THRB: variants seen among roughly 807,000 people sequenced by gnomAD.
The protein encoded by THRB is thyroid hormone receptor beta.
A neutral mutation model predicts 47.8 loss-of-function variants in THRB; 12 were observed. That is an observed-to-expected ratio of 0.25 (90% CI 0.16 to 0.41). THRB has a LOEUF of 0.41. Ranked by LOEUF, THRB falls within the 10% of genes least tolerant of loss-of-function variation. The pLI, the probability that THRB is intolerant of heterozygous loss-of-function variation, is 1.00. For synonymous variants in THRB, 218 were observed against 212.2 expected, an observed-to-expected ratio of 1.03 and a Z score of -0.24; for missense variants, 348 against 589.2, an observed-to-expected ratio of 0.59 and a Z score of 4.24.
At position 24,149,110 on chromosome 3, in the gene THRB, C is replaced by A. The variant is rs2036526127; in HGVS notation, c.385-2288G>T. Among the ~76,000 whole-genome samples, 3 of 152,204 alleles carry A rather than the reference C, an allele frequency of 2.0e-5. No individual in the cohort carries two copies. In the South Asian group the frequency reaches 6.2e-4, roughly 32 times the overall value. ...GCCATGAGAGTGAAAAACAAGTTTC[C>A]CTGCAAACCTAGCTTTTCTCTCTGC... is the stretch of plus-strand genomic sequence containing the variant. On this transcript the variant is annotated intron_variant, in intron 6 of 10. Coordinates refer to ENST00000646209, the MANE Select transcript of THRB (RefSeq NM_001354712.2).
intron 5 of THRB, among the ~76,000 whole-genome samples, chr3:24,170,072 A>G (rs1190261937): frequency 3.3e-5 from 5 of 152,140 alleles, no homozygotes; most frequent in African/African-American, 1.2e-4. Context: ...CCAGGATCCT[A>G]TATCCAACCA....
At chr3:24,164,547 A>G (rs1373590036) in intron 5 of THRB, among the ~76,000 whole-genome samples, 1 of 152,212 alleles carries the variant, frequency 6.6e-6, no homozygotes, top group Non-Finnish European at 1.5e-5. Context: ...ACATTAGTAT[A>G]GTACTGTTAA....
At chr3:24,478,773 G>A (rs1373945572) in intron 1 of THRB, among the ~76,000 whole-genome samples, 3 of 152,128 alleles carry the variant, frequency 2.0e-5, no homozygotes, top group Admixed American at 2.0e-4. Flanking sequence ...CCATGAGGGC[G>A]AAGATCATCA....
chr3:24,249,632 A>C (rs914221674), intron 3 of THRB, among the ~76,000 whole-genome samples: 2 of 152,194 alleles, frequency 1.3e-5, no homozygotes, highest in Non-Finnish European at 2.9e-5. Context: ...TGGATTCATA[A>C]AGTAAACAAG....
intron 1 of THRB, among the ~76,000 whole-genome samples, chr3:24,361,440 A>G (rs2064058507): frequency 6.6e-6 from 1 of 152,132 alleles, no homozygotes; most frequent in Admixed American, 6.6e-5. Flanking sequence ...TGTTCTATGC[A>G]ATGCCTAAAT....
intron 5 of THRB, among the ~76,000 whole-genome samples, chr3:24,152,707 T>A (rs540754306): frequency 6.6e-6 from 1 of 152,086 alleles, no homozygotes; most frequent in Non-Finnish European, 1.5e-5. Flanking sequence ...ACACCTATAA[T>A]CCCAGCACTT....
At chr3:24,372,760 A>G (rs1047647662) in intron 1 of THRB, among the ~76,000 whole-genome samples, 1 of 152,126 alleles carries the variant, frequency 6.6e-6, no homozygotes, top group African/African-American at 2.4e-5. Flanking sequence ...GACATGCTCA[A>G]TGTCACACAG....
intron 1 of THRB, among the ~76,000 whole-genome samples, chr3:24,379,000 AT>A (rs2065498107): frequency 6.6e-6 from 1 of 152,096 alleles, no homozygotes; most frequent in African/African-American, 2.4e-5. Context: ...TCATCATCTC[AT>A]TTAACCCTTA....
intron 1 of THRB, among the ~76,000 whole-genome samples, chr3:24,393,679 G>T (rs1471383732): frequency 6.6e-6 from 1 of 152,154 alleles, no homozygotes; most frequent in East Asian, 1.9e-4. Context: ...TCACTGAAAT[G>T]CTGACGTATC....
intron 5 of THRB, chr3:24,165,205 A>G (rs2039477273): frequency 1.3e-6 from 1 of 764,902 alleles, no homozygotes; most frequent in African/African-American, 1.7e-5. Flanking sequence ...CCTGTTCCAT[A>G]TATATGTTGT....
At chr3:24,442,694 C>A (rs1219749191) in intron 1 of THRB, among the ~76,000 whole-genome samples, 1 of 152,004 alleles carries the variant, frequency 6.6e-6, no homozygotes, top group Non-Finnish European at 1.5e-5. Context: ...TGTAGTGGCG[C>A]ATGCCTGTAA....
At chr3:24,467,077 C>G (rs1486087227) in intron 1 of THRB, among the ~76,000 whole-genome samples, 3 of 152,174 alleles carry the variant, frequency 2.0e-5, no homozygotes, top group African/African-American at 2.4e-5. Flanking sequence ...ATGGAATATT[C>G]TAAATCCTTT....
At chr3:24,425,044 T>A (rs2069624030) in intron 1 of THRB, among the ~76,000 whole-genome samples, 3 of 151,938 alleles carry the variant, frequency 2.0e-5, no homozygotes, top group Non-Finnish European at 4.4e-5. Flanking sequence ...ATTTAATCCA[T>A]CCTTTATCAG....
chr3:24,290,705 TC>T (rs2055837003), intron 3 of THRB, among the ~76,000 whole-genome samples: 1 of 152,198 alleles, frequency 6.6e-6, no homozygotes, highest in African/African-American at 2.4e-5. Flanking sequence ...CAATTGTTGA[TC>T]CTGGGATGGC....
intron 1 of THRB, chr3:24,458,286 G>C (rs1218369196): frequency 6.6e-6 from 1 of 152,134 alleles, no homozygotes; most frequent in Admixed American, 6.5e-5. Context: ...ATCCTGAGCA[G>C]GCTGAAGACC....
chr3:24,426,628 A>G (rs140219434), intron 1 of THRB, among the ~76,000 whole-genome samples: 1 of 152,098 alleles, frequency 6.6e-6, no homozygotes, highest in Non-Finnish European at 1.5e-5. Context: ...ACAAAGCAGA[A>G]CACTGAATTG....
At chr3:24,281,336 T>A (rs981567235) in intron 3 of THRB, among the ~76,000 whole-genome samples, 3 of 150,906 alleles carry the variant, frequency 2.0e-5, no homozygotes, top group African/African-American at 7.3e-5. Context: ...CCAGCCAAAC[T>A]AAGCTTCATA....
intron 1 of THRB, among the ~76,000 whole-genome samples, chr3:24,342,289 A>G (rs190624014): frequency 7.4e-4 from 113 of 152,338 alleles, no homozygotes; most frequent in Non-Finnish European, 1.2e-3. Flanking sequence ...TTAAACAGAA[A>G]GAGAATAATG....
At chr3:24,132,486 C>T (rs1444117199) in intron 9 of THRB, among the ~76,000 whole-genome samples, 1 of 152,202 alleles carries the variant, frequency 6.6e-6, no homozygotes, top group East Asian at 1.9e-4. Flanking sequence ...ACTTAAAAAA[C>T]CTTTCAACAG....
Sources: gnomAD v4.1 joint callset for allele counts (sites outside exome capture counted in the v4.1 genomes callset) on GRCh38, gnomAD v4.1.1 for gene constraint, MANE v1.5 for transcripts, NCBI Gene and HGNC (gene_info 2026-07-23, HGNC 2026-07-21) for gene names.